The following SHPRH variants were observed in gnomAD, a reference collection of about 807,000 sequenced individuals.
SHPRH encodes the protein SNF2 histone linker PHD RING helicase.
In SHPRH, 106 loss-of-function variants were observed where a neutral mutation model predicts 202.5. The observed-to-expected ratio is 0.52, with a 90% confidence interval of 0.45 to 0.62. The LOEUF (loss-of-function observed/expected upper bound fraction) is 0.62. Among genes scored for constraint, SHPRH ranks in the 20% least tolerant of loss-of-function variants. SHPRH has a pLI of 0.00. For synonymous variants in SHPRH, 729 were observed against 686.0 expected, an observed-to-expected ratio of 1.06 and a Z score of -0.98; for missense variants, 1,710 against 2,020.0, an observed-to-expected ratio of 0.85 and a Z score of 2.94.
At chr6:145,902,439 A>C (rs1214544292) in intron 25 of SHPRH, among the ~76,000 whole-genome samples, 1 of 152,130 alleles carries the variant, frequency 6.6e-6, no homozygotes, top group East Asian at 1.9e-4. Context: ...CAAGTTGTTA[A>C]ATGTGTTAAA....
At chr6:145,919,649 A>G (rs1784258838) in intron 21 of SHPRH, among the ~76,000 whole-genome samples, 158 bp from the exon 22 acceptor site, 2 of 152,084 alleles carry the variant, frequency 1.3e-5, no homozygotes, top group South Asian at 2.1e-4. Flanking sequence ...TTTTAGGATG[A>G]AATGTGAATG....
Position 145,926,226 on chromosome 6 carries a change from C to T in SHPRH, c.3272G>A (p.Arg1091His), listed in dbSNP as rs767098283. The T allele has an allele frequency of 2.4e-5, 38 of 1,612,728 alleles. No homozygotes were observed. The highest frequency in any genetic ancestry group is 4.5e-5 in the East Asian group (2 of 44,830). Residue 1091 changes from arginine to histidine, a missense_variant, in exon 16 of 30, where the codon CGT becomes CAT. Physicochemically the swap from Arg to His is conservative, Grantham distance 29 (BLOSUM62 0). Around this residue, in one of 8 missense-constraint regions of SHPRH, gnomAD observed 288 missense variants for 317.8 expected, o/e 0.91. Transcript: ENST00000275233. ...ARHPGIPPTL[R>H]DGRLEEEAKQ... ...TACCTCTTCCTCAAGTCGGCCATCA[C>T]GCAAGGTAGGTGGTATCCCTGGGTG...
At chr6:145,949,235 T>TTA (rs1787724013) in intron 4 of SHPRH, among the ~76,000 whole-genome samples, 1 of 151,978 alleles carries the variant, frequency 6.6e-6, no homozygotes, top group African/African-American at 2.4e-5. Flanking sequence ...AAACAAGTCA[T>TTA]TATATCAAAA....
chr6:145,857,954 C>G, the SHPRH span, among the ~76,000 whole-genome samples: 1 of 152,174 alleles, frequency 6.6e-6, no homozygotes, highest in South Asian at 2.1e-4. Flanking sequence ...GGCAAAGAAG[C>G]ATATGATATG....
At chr6:145,922,945 GT>G (rs34616835) in intron 18 of SHPRH, 109 bp from the exon 19 acceptor site, 30,709 of 940,274 alleles carry the variant, frequency 0.033, 12 homozygotes, top group South Asian at 0.052. Flanking sequence ...ACTGTTTGCT[GT>G]TTTTTTTTTT....
At position 145,928,533 on chromosome 6, in the gene SHPRH, G is replaced by GAT. The variant is rs142273982; in HGVS notation, c.3113-1258_3113-1257dup. Reference sequence around the variant, plus strand: ...AGGACCATGTTCATAGTTACAATGAGATATATATATATATGCAAACCTTTG... The same window carrying GAT: ...AGGACCATGTTCATAGTTACAATGAGATATATATATATATATGCAAACCTTTG... On this transcript the variant is annotated intron_variant, in intron 14 of 29. Transcript: ENST00000275233. Among the ~76,000 whole-genome samples the GAT allele has an allele frequency of 1.7e-3, 262 of 150,158 alleles. 2 individuals are homozygous for GAT. The highest frequency in any genetic ancestry group is 1.9e-3 in the Non-Finnish European group (129 of 67,316).
chr6:145,873,708 GAA>G, intron 2 of SHPRH, among the ~76,000 whole-genome samples: 3 of 118,272 alleles, frequency 2.5e-5, no homozygotes, highest in African/African-American at 1.0e-4. Flanking sequence ...AGGAAGGAAG[GAA>G]GGAAGGGAGG....
chr6:145,947,183 T>C (rs1787478922), intron 6 of SHPRH, among the ~76,000 whole-genome samples: 1 of 152,078 alleles, frequency 6.6e-6, no homozygotes, highest in African/African-American at 2.4e-5. Flanking sequence ...ATGGAGACTT[T>C]ATTAGTGACA....
At chr6:145,940,693 C>A in intron 11 of SHPRH, 30 bp downstream of exon 11, 2 of 1,604,104 alleles carry the variant, frequency 1.2e-6, no homozygotes, top group Non-Finnish European at 1.7e-6. Flanking sequence ...TTTTCAAATG[C>A]ATGCAATATG....
At chr6:145,888,453 C>T (rs902982866) in intron 28 of SHPRH, among the ~76,000 whole-genome samples, 2 of 151,942 alleles carry the variant, frequency 1.3e-5, no homozygotes, top group East Asian at 1.9e-4. Context: ...ACACAGTCCC[C>T]GGGAAGGGAA....
rs779432710 is a variant in SHPRH at position 145,922,774 on chromosome 6, C to G, written c.3608G>C (p.Cys1203Ser). ...TACAGCCTCTCTTACTAGCTTCTGG[C>G]ATTTATTTAGCTCTTCCATTTGTGT... ...LTTQMEELNK[C>S]QKLVREAVKN... is the part of the protein sequence containing the mutation. The change falls in exon 19 of 30, where the codon TGC becomes TCC. Residue 1203 changes from cysteine to serine, a missense_variant. By Grantham distance (112) the Cys-to-Ser change is moderately radical (BLOSUM62 -1). Around this residue, in one of 8 missense-constraint regions of SHPRH, gnomAD observed 288 missense variants for 317.8 expected, o/e 0.91. Coordinates refer to ENST00000275233, the MANE Select transcript of SHPRH (RefSeq NM_001042683.3). 2 of 1,611,878 alleles carry G rather than the reference C, an allele frequency of 1.2e-6. No individual in the cohort carries two copies. The highest frequency in any genetic ancestry group is 1.7e-6 in the Non-Finnish European group (2 of 1,178,768).
Position 145,935,544 on chromosome 6 carries a change from GAATT to G in SHPRH, c.2570-107_2570-104del, listed in dbSNP as rs1458404383. ...TTACACAGCACATAGAACTTTCCAT[GAATT>G]AAAATACAGGCTGTATAGGCTCTTA... On this transcript the variant is annotated intron_variant, in intron 11 of 29. Coordinates refer to ENST00000275233, the MANE Select transcript of SHPRH (RefSeq NM_001042683.3). 4.6e-6 allele frequency: 5 copies of G among 1,097,536 alleles called. No homozygotes were observed. In the African/African-American group the frequency reaches 7.9e-5, roughly 17 times the overall value. The allele number at this position is 1,097,536 out of a possible 1,614,324, so 68.0% of individuals were successfully genotyped here.
intron 25 of SHPRH, chr6:145,906,147 C>G (rs1782938272): frequency 6.6e-6 from 1 of 151,964 alleles, no homozygotes; most frequent in Non-Finnish European, 1.5e-5. Flanking sequence ...GTAACAACTT[C>G]CATTTTTTGA....
intron 13 of SHPRH, 101 bp from the exon 14 acceptor site, chr6:145,933,279 C>G: frequency 6.6e-7 from 1 of 1,503,898 alleles, no homozygotes; most frequent in Non-Finnish European, 9.0e-7. Context: ...ATGAGACTCG[C>G]AGTTTTTGTG....
intron 23 of SHPRH, among the ~76,000 whole-genome samples, chr6:145,915,114 T>A (rs1226078428): frequency 6.8e-6 from 1 of 147,404 alleles, no homozygotes; most frequent in Non-Finnish European, 1.5e-5. Flanking sequence ...AATAAATTTA[T>A]AATAAAATAT....
chr6:145,912,015 T>C (rs1783538779), intron 24 of SHPRH, among the ~76,000 whole-genome samples: 1 of 151,854 alleles, frequency 6.6e-6, no homozygotes, highest in Non-Finnish European at 1.5e-5. Flanking sequence ...GGAAAGGAGT[T>C]TTGTGACTCA....
chr6:145,932,486 A>G (rs555971742), intron 14 of SHPRH, among the ~76,000 whole-genome samples: 83 of 141,230 alleles, frequency 5.9e-4, no homozygotes, highest in African/African-American at 1.8e-3. Flanking sequence ...ATATAACACT[A>G]TAACTTTACA....
At chr6:145,916,841 G>A (rs1199588739) in intron 23 of SHPRH, among the ~76,000 whole-genome samples, 1 of 151,822 alleles carries the variant, frequency 6.6e-6, no homozygotes. Flanking sequence ...GGAGTGCAAT[G>A]GCGCAATCTC....
At chr6:145,890,823 A>G (rs1012073513) in intron 28 of SHPRH, among the ~76,000 whole-genome samples, 3 of 152,202 alleles carry the variant, frequency 2.0e-5, no homozygotes, top group African/African-American at 7.2e-5. Flanking sequence ...TGTCCAAGCC[A>G]AAACCCATGG....
Sources: gnomAD v4.1 joint callset for allele counts (sites outside exome capture counted in the v4.1 genomes callset) on GRCh38, gnomAD v4.1.1 for gene constraint, gnomAD v4.1.1 regional missense constraint, MANE v1.5 for transcripts, NCBI Gene and HGNC (gene_info 2026-07-23, HGNC 2026-07-21) for gene names.